The following PDE4A variants were observed in gnomAD, a reference collection of about 807,000 sequenced individuals.
PDE4A encodes the protein phosphodiesterase 4A.
PDE4A carries 21 observed loss-of-function variants against 73.9 expected under a neutral mutation model. The observed-to-expected ratio is 0.28, with a 90% CI of 0.20 to 0.41. PDE4A has a LOEUF of 0.41. PDE4A is among the 10% of genes least tolerant of loss of function. The pLI is 1.00. For synonymous variants in PDE4A, 463 were observed against 505.4 expected (o/e 0.92, Z 1.13); for missense variants, 958 against 1,211.4 (o/e 0.79, Z 3.10).
In PDE4A at chr19:10,467,691, C is replaced by T. The variant is rs889593399; in HGVS notation, c.*70C>T. 106 of 1,203,470 alleles carry T rather than the reference C, an allele frequency of 8.8e-5. No individual in the cohort carries two copies. In the Admixed American group the frequency reaches 2.4e-3, roughly 27 times the overall value. The allele number at this position is 1,203,470 out of a possible 1,614,324, so 74.5% of individuals were successfully genotyped here. On this transcript the variant is annotated 3_prime_UTR_variant, in exon 15 of 15. Coordinates refer to ENST00000380702, the MANE Select transcript of PDE4A (RefSeq NM_001111307.2). ...CCCCTGCTCCCCCGACCACCTCCTCCTCTGCCTCAAAGACTCTTGTCCTCT... is the reference window on the plus strand; with the variant it reads ...CCCCTGCTCCCCCGACCACCTCCTCTTCTGCCTCAAAGACTCTTGTCCTCT...
intron 2 of PDE4A, 97 bp from the exon 3 acceptor site, chr19:10,448,820 C>G: frequency 1.3e-6 from 2 of 1,583,282 alleles, no homozygotes; most frequent in East Asian, 2.3e-5. Context: ...AGTCCCCTCC[C>G]TCCCTCTCAG....
chr19:10,445,642 T>C (rs1243384724), intron 1 of PDE4A, among the ~76,000 whole-genome samples: 1 of 151,550 alleles, frequency 6.6e-6, no homozygotes, highest in South Asian at 2.1e-4. Flanking sequence ...GTGGTGCATG[T>C]CTGTAATCCC....
At chr19:10,450,788 A>G (rs746324584) in intron 5 of PDE4A, 41 bp from the exon 6 acceptor site, 1 of 1,583,054 alleles carries the variant, frequency 6.3e-7, no homozygotes, top group Non-Finnish European at 8.6e-7. Context: ...GCTTCTGCCT[A>G]CAGACCTTCT....
chr19:10,455,015 C>T, intron 7 of PDE4A, 93 bp downstream of exon 7: 1 of 1,215,552 alleles, frequency 8.2e-7, no homozygotes, highest in Non-Finnish European at 1.2e-6. Context: ...TCACATCTTC[C>T]CAGGGACTCT....
intron 1 of PDE4A, among the ~76,000 whole-genome samples, chr19:10,439,039 G>A (rs1187750347): frequency 6.6e-6 from 1 of 152,158 alleles, no homozygotes; most frequent in Non-Finnish European, 1.5e-5. Context: ...TTTGGCCATC[G>A]TGAATTACGC....
In PDE4A at chr19:10,457,976, T is replaced by C. The variant is rs1484885343; in HGVS notation, c.975T>C (p.Pro325=). 2.1e-6 allele frequency: 3 copies of C among 1,418,988 alleles called. No individual in the cohort carries two copies. Among genetic ancestry groups the C allele is most frequent in the Non-Finnish European group, 3.0e-6 (3 of 1,003,496 alleles). The allele number at this position is 1,418,988 out of a possible 1,614,324, so 87.9% of individuals were successfully genotyped here. ...RPRPSQPPPP[P]VPHLQPMSQI... is the part of the protein sequence containing the mutation. ...GACCCTCCCAGCCGCCCCCGCCCCC[T>C]GTACCACACTTACAGCCCATGTCCC... is the stretch of plus-strand genomic sequence containing the variant. Residue 325 remains proline, a synonymous_variant, in exon 8 of 15, where the codon CCT becomes CCC. Coordinates refer to ENST00000380702, the MANE Select transcript of PDE4A (RefSeq NM_001111307.2).
At chr19:10,448,747 G>C (rs983049345) in intron 2 of PDE4A, 170 bp from the exon 3 acceptor site, 1 of 900,980 alleles carries the variant, frequency 1.1e-6, no homozygotes, top group African/African-American at 1.8e-5. Flanking sequence ...TTTCTTCCAC[G>C]ATCAGCCCTG....
intron 1 of PDE4A, among the ~76,000 whole-genome samples, chr19:10,435,150 C>T (rs1163076935): frequency 1.3e-5 from 2 of 152,098 alleles, no homozygotes; most frequent in Non-Finnish European, 2.9e-5. Context: ...TCTCCCTGGG[C>T]TGCATAGCCC....
chr19:10,459,779 G>A lies in PDE4A; in HGVS notation c.1365+20G>A. The stretch of plus-strand genomic sequence containing the variant: ...CTAGATGTGAGTGACTGCCCTGTGA[G>A]TGACCGTCCCCATCTCTCTTTGTGA... On this transcript the variant is annotated intron_variant, in intron 10 of 14. Transcript: ENST00000380702. The A allele has an allele frequency of 1.9e-6, 3 of 1,586,586 alleles. No homozygotes were observed. Among genetic ancestry groups the A allele is most frequent in the Non-Finnish European group, 2.6e-6 (3 of 1,162,324 alleles).
Position 10,466,979 on chromosome 19 carries a change from G to A in PDE4A, c.2019G>A (p.Glu673=). Residue 673 remains glutamate (E), a synonymous_variant, in exon 15 of 15, where the codon GAG becomes GAA. Coordinates refer to ENST00000380702, the MANE Select transcript of PDE4A (RefSeq NM_001111307.2). ...PDAQEILDTL[E]DNRDWYYSAI... ...CCCAGGAGATCTTGGACACTTTGGA[G>A]GACAACCGGGACTGGTACTACAGCG... 6.2e-7 allele frequency: 1 copy of A among 1,614,198 alleles called. No homozygotes were observed. Among genetic ancestry groups the A allele is most frequent in the East Asian group, 2.2e-5 (1 of 44,884 alleles).
intron 7 of PDE4A, 50 bp from the exon 8 acceptor site, chr19:10,457,829 C>T (rs1568380906): frequency 1.4e-5 from 22 of 1,606,354 alleles, no homozygotes; most frequent in Non-Finnish European, 1.9e-5. Context: ...AGGGAGCCTC[C>T]AGGGGTGGAA....
chr19:10,440,866 G>A (rs1353158659), intron 1 of PDE4A, among the ~76,000 whole-genome samples: 1 of 152,022 alleles, frequency 6.6e-6, no homozygotes, highest in Non-Finnish European at 1.5e-5. Context: ...CCAAAGTGCT[G>A]GGATTACAGG....
At chr19:10,446,886 G>A (rs1401879937) in intron 2 of PDE4A, among the ~76,000 whole-genome samples, 1 of 151,534 alleles carries the variant, frequency 6.6e-6, no homozygotes, top group Non-Finnish European at 1.5e-5. Context: ...GAGCCACCGC[G>A]CCTGGCCTCA....
intron 1 of PDE4A, among the ~76,000 whole-genome samples, chr19:10,445,658 C>T (rs1373489546): frequency 3.3e-5 from 5 of 151,342 alleles, no homozygotes; most frequent in South Asian, 2.1e-4. Context: ...ATCCCAGCTA[C>T]GCAGGAGGCT....
intron 1 of PDE4A, chr19:10,422,981 C>A: frequency 7.8e-6 from 3 of 383,908 alleles, no homozygotes; most frequent in African/African-American, 2.2e-5. Context: ...GGGACAGTGG[C>A]TGAGTGGTAA....
At chr19:10,451,271 C>T (rs1271617777) in intron 6 of PDE4A, among the ~76,000 whole-genome samples, 1 of 152,086 alleles carries the variant, frequency 6.6e-6, no homozygotes, top group African/African-American at 2.4e-5. Context: ...GGGGCCAACC[C>T]CTGGGCGGCA....
chr19:10,428,806 A>G, intron 1 of PDE4A: 1 of 985,394 alleles, frequency 1.0e-6, no homozygotes, highest in Non-Finnish European at 1.2e-6. Context: ...AACACTAGAG[A>G]AGGAAGGATA....
At chr19:10,430,815 C>T in intron 1 of PDE4A, 8 of 969,146 alleles carry the variant, frequency 8.3e-6, no homozygotes, top group Non-Finnish European at 1.0e-5. Context: ...AGCTCCCCAG[C>T]GCCCGCCGAG....
At position 10,420,648 on chromosome 19, in the gene PDE4A, G is replaced by A; in HGVS notation, c.-117G>A. ...CCGGGTCTGTCCCCGGGGCGCCATG[G>A]CCCTACCGCGGCCGGGCGCACCCGC... On this transcript the variant is annotated 5_prime_UTR_variant, in exon 1 of 15. Transcript: ENST00000380702. The surrounding 1 kb of genome is among the most constrained non-coding windows in gnomAD (Gnocchi z 6.0). 1 of 1,363,382 alleles carries A rather than the reference G, an allele frequency of 7.3e-7. No homozygotes were observed. The highest frequency in any genetic ancestry group is 9.4e-7 in the Non-Finnish European group (1 of 1,066,522). 84.5% of individuals were successfully genotyped at this position (1,363,382 alleles called of 1,614,324 possible).
Sources: allele counts gnomAD v4.1 joint callset (sites outside exome capture counted in the v4.1 genomes callset), GRCh38; gene constraint gnomAD v4.1.1; non-coding constraint Gnocchi (gnomAD v3.1); transcripts MANE v1.5; gene names NCBI Gene and HGNC (gene_info 2026-07-23, HGNC 2026-07-21).